Variants in NAV2 observed in about 807,000 individuals in gnomAD.
NAV2 encodes the protein neuron navigator 2.
NAV2 carries 54 observed loss-of-function variants against 223.2 expected under a neutral mutation model. The ratio of observed to expected loss-of-function variants is 0.24; its 90% CI spans 0.19 to 0.30. The LOEUF (loss-of-function observed/expected upper bound fraction) is 0.30. NAV2 is among the 10% of genes least tolerant of loss of function. The pLI, the probability that NAV2 is intolerant of heterozygous loss-of-function variation, is 1.00. For synonymous variants in NAV2, 1,279 were observed against 1,239.3 expected, an observed-to-expected ratio of 1.03 and a Z score of -0.67; for missense variants, 2,806 against 3,147.5, an observed-to-expected ratio of 0.89 and a Z score of 2.60.
At chr11:19,770,542 G>A (rs1267386901) in intron 1 of NAV2, among the ~76,000 whole-genome samples, 1 of 152,164 alleles carries the variant, frequency 6.6e-6, no homozygotes, top group Non-Finnish European at 1.5e-5. Context: ...CCCGGATGTT[G>A]AACAGAGCAA....
chr11:20,061,415 C>T (rs546733619), intron 19 of NAV2, among the ~76,000 whole-genome samples: 1 of 152,052 alleles, frequency 6.6e-6, no homozygotes, highest in East Asian at 1.9e-4. Context: ...ACTAAAAATA[C>T]AAAACTAGCC....
chr11:19,622,033 C>T (rs1468650795), intron 1 of NAV2, among the ~76,000 whole-genome samples: 1 of 152,210 alleles, frequency 6.6e-6, no homozygotes, highest in Non-Finnish European at 1.5e-5. Flanking sequence ...CGTTCAGGAG[C>T]AGGTTGTTTA....
Position 19,475,983 on chromosome 11 carries a change from CT to C in NAV2, c.75+124965del, listed in dbSNP as rs907729318. On this transcript the variant is annotated intron_variant, in intron 1 of 37. Transcript: ENST00000360655. Reference sequence around the variant, plus strand: ...CAGTTGCCCTTAAGAGCATGCCATTCTTTTTTTTTGAGACAGAGTCTTACTC... The same window carrying C: ...CAGTTGCCCTTAAGAGCATGCCATTCTTTTTTTTGAGACAGAGTCTTACTC... Among the ~76,000 whole-genome samples the C allele has an allele frequency of 1.7e-4, 26 of 151,682 alleles. No homozygotes were observed. The East Asian group carries it at 5.0e-3, about 29-fold the overall frequency.
chr11:19,759,731 A>G lies in NAV2; in HGVS notation c.267+45769A>G, dbSNP rs562608749. Among the ~76,000 whole-genome samples, 10 of 152,168 alleles carry G rather than the reference A, an allele frequency of 6.6e-5. No homozygotes were observed. In the East Asian group the frequency reaches 9.7e-4, roughly 15 times the overall value. On this transcript the variant is annotated intron_variant, in intron 1 of 37. Transcript: ENST00000349880. ...TTCCTGTTTGTAAAATATAAATAAT[A>G]ATGATATCCACCTCATGGGGTTTTT...
chr11:19,479,405 C>T (rs138043837), intron 1 of NAV2, among the ~76,000 whole-genome samples: 4 of 152,216 alleles, frequency 2.6e-5, no homozygotes, highest in African/African-American at 4.8e-5. Context: ...AAGCTGTCAT[C>T]GGCAACCATG....
intron 1 of NAV2, among the ~76,000 whole-genome samples, chr11:19,655,902 A>T (rs932995125): frequency 1.4e-4 from 21 of 152,064 alleles, no homozygotes; most frequent in African/African-American, 4.3e-4. Context: ...TAAAAAATTT[A>T]AAAAAAAGAA....
intron 1 of NAV2, among the ~76,000 whole-genome samples, chr11:19,419,817 A>C (rs1850534865): frequency 6.6e-6 from 1 of 152,194 alleles, no homozygotes; most frequent in Non-Finnish European, 1.5e-5. Context: ...ACTGAACTGG[A>C]ATCAGAAGAA....
chr11:20,038,193 G>A (rs1323025031), intron 12 of NAV2, among the ~76,000 whole-genome samples: 1 of 152,160 alleles, frequency 6.6e-6, no homozygotes, highest in African/African-American at 2.4e-5. Context: ...AGTCGCCCCA[G>A]CTCTTTAGAC....
chr11:19,610,784 A>AGATG (rs1223823528), intron 1 of NAV2, among the ~76,000 whole-genome samples: 10 of 151,716 alleles, frequency 6.6e-5, no homozygotes, highest in African/African-American at 1.5e-4. Flanking sequence ...GTGGATGGAC[A>AGATG]GATGGATGGA....
chr11:19,749,175 G>T (rs193255020), intron 1 of NAV2, among the ~76,000 whole-genome samples: 3 of 152,302 alleles, frequency 2.0e-5, no homozygotes, highest in African/African-American at 7.2e-5. Flanking sequence ...TAAGCTTAAA[G>T]GTTACTGTTG....
chr11:20,017,983 G>A (rs1265043890), intron 11 of NAV2, among the ~76,000 whole-genome samples: 1 of 151,822 alleles, frequency 6.6e-6, no homozygotes, highest in African/African-American at 2.4e-5. Flanking sequence ...TCTTTGTTCT[G>A]TTACTAGCAA....
In NAV2 at chr11:19,915,059, G is replaced by A. The variant is rs184637443; in HGVS notation, c.932-18117G>A. Among the ~76,000 whole-genome samples, 95 of 152,228 alleles carry A rather than the reference G, an allele frequency of 6.2e-4. 1 individual carries two copies. The highest frequency in any genetic ancestry group is 1.2e-3 in the Admixed American group (18 of 15,306). On this transcript the variant is annotated intron_variant, in intron 6 of 37. Coordinates refer to ENST00000349880, the MANE Select transcript of NAV2 (RefSeq NM_145117.5). Reference sequence around the variant, plus strand: ...ATCTCCTTTCAGAACATACCCTTAAGAGCTTTGTCTTCCACAGTTGGAGTA... The same window carrying A: ...ATCTCCTTTCAGAACATACCCTTAAAAGCTTTGTCTTCCACAGTTGGAGTA...
upstream of NAV2, chr11:19,350,600 G>T (rs754288733): frequency 1.0e-5 from 3 of 290,604 alleles, no homozygotes; most frequent in African/African-American, 6.4e-5. Flanking sequence ...GACAGTGAAG[G>T]AAAGGGTTTC....
intron 1 of NAV2, among the ~76,000 whole-genome samples, chr11:19,426,581 C>T (rs1850837299): frequency 6.6e-6 from 1 of 152,176 alleles, no homozygotes; most frequent in African/African-American, 2.4e-5. Flanking sequence ...ATCCTAGTCT[C>T]TCATAGGAAA....
At chr11:19,540,832 A>C (rs2044319657) in intron 1 of NAV2, among the ~76,000 whole-genome samples, 2 of 152,204 alleles carry the variant, frequency 1.3e-5, no homozygotes, top group Non-Finnish European at 2.9e-5. Context: ...GGCAAGGTTG[A>C]AATGAGCTGT....
intron 4 of NAV2, among the ~76,000 whole-genome samples, chr11:19,873,273 A>AAGCACAGGATCCT (rs1360227525): frequency 3.3e-5 from 5 of 152,182 alleles, no homozygotes; most frequent in Non-Finnish European, 7.4e-5. Context: ...GAGCTGTGTT[A>AAGCACAGGATCCT]GTGGTAAGCA....
At chr11:19,680,324 C>A (rs1590079833) in intron 1 of NAV2, among the ~76,000 whole-genome samples, 1 of 152,210 alleles carries the variant, frequency 6.6e-6, no homozygotes, top group Admixed American at 6.5e-5. Context: ...AGGGGCTCGG[C>A]CATTCCTAAG....
intron 1 of NAV2, among the ~76,000 whole-genome samples, chr11:19,362,611 G>A (rs1035134769): frequency 2.0e-5 from 3 of 152,072 alleles, no homozygotes; most frequent in African/African-American, 7.2e-5. Flanking sequence ...TTTAATTATT[G>A]GACACTTGCC....
chr11:19,381,905 C>T (rs1156949875), intron 1 of NAV2, among the ~76,000 whole-genome samples: 4 of 152,188 alleles, frequency 2.6e-5, no homozygotes, highest in African/African-American at 9.7e-5. Flanking sequence ...ACAAGAGGGG[C>T]TGTGAAGCCA....
Sources: allele counts gnomAD v4.1 joint callset (sites outside exome capture counted in the v4.1 genomes callset), GRCh38; gene constraint gnomAD v4.1.1; transcripts MANE v1.5; gene names NCBI Gene and HGNC (gene_info 2026-07-23, HGNC 2026-07-21).